Variants in SATB1 observed in about 807,000 individuals in gnomAD.
SATB1 encodes SATB homeobox 1.
Under a neutral mutation model 86.9 loss-of-function variants are expected in SATB1, and 11 were observed. That is an observed-to-expected ratio of 0.13 (90% CI 0.08 to 0.21). The LOEUF (loss-of-function observed/expected upper bound fraction) is 0.21. SATB1 is among the 10% of genes least tolerant of loss of function. The probability of loss-of-function intolerance (pLI) is 1.00; values close to 1 mark genes in which losing one functional copy is unlikely to be tolerated. For missense variants in SATB1, 551 were observed against 937.6 expected (o/e 0.59, Z 5.39); for synonymous variants, 357 against 357.2 (o/e 1.00, Z 0.01).
chr3:18,408,054 C>T lies in SATB1; in HGVS notation c.639+7057G>A, dbSNP rs550763013. On this transcript the variant is annotated intron_variant, in intron 5 of 10. Coordinates refer to ENST00000338745, the MANE Select transcript of SATB1 (RefSeq NM_002971.6). ...TCTCAAATAGTGCTAGCAATTAAAGCTTTAATCTTTTCTTAACTTCCAACC... is the reference window on the plus strand; with the variant it reads ...TCTCAAATAGTGCTAGCAATTAAAGTTTTAATCTTTTCTTAACTTCCAACC... 3.3e-5 allele frequency among the ~76,000 whole-genome samples: 5 copies of T among 152,158 alleles called. No individual in the cohort carries two copies. The East Asian group carries it at 9.7e-4, about 30-fold the overall frequency.
intron 9 of SATB1, among the ~76,000 whole-genome samples, chr3:18,360,838 T>C (rs1376881308): frequency 6.6e-6 from 1 of 152,190 alleles, no homozygotes; most frequent in East Asian, 1.9e-4. Flanking sequence ...TGGGAAAACC[T>C]GGAATTCAAA....
At chr3:18,377,579 G>T (rs1199236081) in intron 9 of SATB1, among the ~76,000 whole-genome samples, 1 of 152,048 alleles carries the variant, frequency 6.6e-6, no homozygotes, top group Non-Finnish European at 1.5e-5. Context: ...ATTCAGGGTT[G>T]GACAAGTTGT....
At chr3:18,388,270 A>C (rs1187627041) in intron 7 of SATB1, among the ~76,000 whole-genome samples, 1 of 152,150 alleles carries the variant, frequency 6.6e-6, no homozygotes, top group Non-Finnish European at 1.5e-5. Context: ...AAGGCCACCT[A>C]ATTAGTTTGA....
At position 18,348,803 on chromosome 3, in the gene SATB1, G is replaced by A. The variant is rs1232230561; in HGVS notation, c.*367C>T. 1 of 198,326 alleles carries A rather than the reference G, an allele frequency of 5.0e-6. No homozygotes were observed. Among genetic ancestry groups the A allele is most frequent in the South Asian group, 1.0e-4 (1 of 9,626 alleles). 12.3% of individuals were successfully genotyped at this position (198,326 alleles called of 1,614,324 possible). ...TGGAGTGCTACAGAAATAATTATAG[G>A]AGAGGAAATCATAATCACAGAAGGT... On this transcript the variant is annotated 3_prime_UTR_variant, in exon 11 of 11. Transcript: ENST00000338745.
chr3:18,398,948 G>A (rs1330628320), intron 5 of SATB1, among the ~76,000 whole-genome samples: 1 of 152,102 alleles, frequency 6.6e-6, no homozygotes, highest in East Asian at 1.9e-4. Context: ...CTTGTAATAA[G>A]GGATCAATAA....
intron 9 of SATB1, among the ~76,000 whole-genome samples, chr3:18,363,181 A>G (rs766359283): frequency 1.7e-4 from 26 of 152,120 alleles, no homozygotes; most frequent in Non-Finnish European, 3.5e-4. Flanking sequence ...GGGCAAGGCA[A>G]TTTGGGACTG....
At chr3:18,358,479 G>A (rs1013816904) in intron 9 of SATB1, among the ~76,000 whole-genome samples, 2 of 151,942 alleles carry the variant, frequency 1.3e-5, no homozygotes, top group Non-Finnish European at 2.9e-5. Flanking sequence ...TGTGTAAAGT[G>A]AAAAGAACCT....
intron 2 of SATB1, among the ~76,000 whole-genome samples, chr3:18,433,889 C>A (rs1190937230): frequency 6.6e-6 from 1 of 151,860 alleles, no homozygotes; most frequent in Non-Finnish European, 1.5e-5. Flanking sequence ...ATAAATAATG[C>A]CACAGTAGAA....
intron 9 of SATB1, among the ~76,000 whole-genome samples, chr3:18,377,109 C>G (rs186757267): frequency 6.6e-6 from 1 of 151,966 alleles, no homozygotes; most frequent in Non-Finnish European, 1.5e-5. Context: ...CTATAAATGT[C>G]GATAGGGTAA....
At chr3:18,395,660 T>C (rs974745802) in intron 6 of SATB1, among the ~76,000 whole-genome samples, 4 of 152,192 alleles carry the variant, frequency 2.6e-5, no homozygotes, top group Non-Finnish European at 5.9e-5. Flanking sequence ...ATCCAAATGT[T>C]TTTTCTTCAG....
Position 18,349,245 on chromosome 3 carries a change from G to T in SATB1, c.2217C>A (p.Thr739=). Residue 739 remains threonine, a synonymous_variant, in exon 11 of 11, where the codon ACC becomes ACA. Transcript: ENST00000338745. The surrounding 1 kb of genome is among the most constrained non-coding windows in gnomAD (Gnocchi z 5.5). Reference sequence around the variant, plus strand: ...CTTCTTCTAGTTTCACTGAAAAAAGGGTGTTAGTATTTTTATCTTGGACAC... The same window carrying T: ...CTTCTTCTAGTTTCACTGAAAAAAGTGTGTTAGTATTTTTATCTTGGACAC... ...EESVQDKNTN[T]LFSVKLEEEL... 6.2e-7 allele frequency: 1 copy of T among 1,614,108 alleles called. No homozygotes were observed. The highest frequency in any genetic ancestry group is 8.5e-7 in the Non-Finnish European group (1 of 1,180,028).
chr3:18,419,976 T>A (rs963179452), intron 2 of SATB1, among the ~76,000 whole-genome samples: 1 of 152,236 alleles, frequency 6.6e-6, no homozygotes, highest in Admixed American at 6.5e-5. Flanking sequence ...ATAGCATTTT[T>A]ATCCATTGCT....
chr3:18,396,944 A>G (rs1298721986), intron 6 of SATB1, among the ~76,000 whole-genome samples: 1 of 152,068 alleles, frequency 6.6e-6, no homozygotes, highest in Non-Finnish European at 1.5e-5. Flanking sequence ...TCCCCTCCCA[A>G]CGCCTCAATT....
chr3:18,430,940 C>G (rs1477390428), intron 2 of SATB1, among the ~76,000 whole-genome samples: 1 of 152,140 alleles, frequency 6.6e-6, no homozygotes, highest in African/African-American at 2.4e-5. Flanking sequence ...AAACGAGCAG[C>G]CATTGCAGCT....
At chr3:18,351,800 A>T in intron 10 of SATB1, 192 bp downstream of exon 10, 1 of 597,676 alleles carries the variant, frequency 1.7e-6, no homozygotes, top group Non-Finnish European at 2.9e-6. Flanking sequence ...AGGAAAGAGG[A>T]ACACGATACA....
intron 9 of SATB1, among the ~76,000 whole-genome samples, chr3:18,355,700 G>A (rs1457664733): frequency 6.6e-6 from 1 of 151,860 alleles, no homozygotes; most frequent in East Asian, 1.9e-4. Context: ...TTTTAAGAGA[G>A]GTCTCTGGGA....
intron 5 of SATB1, among the ~76,000 whole-genome samples, chr3:18,408,270 T>C (rs1213908281): frequency 6.6e-6 from 1 of 151,972 alleles, no homozygotes; most frequent in Non-Finnish European, 1.5e-5. Context: ...CCATGAGGAA[T>C]TCTGCAATCT....
intron 2 of SATB1, among the ~76,000 whole-genome samples, chr3:18,435,628 C>T (rs1367827352): frequency 2.6e-5 from 4 of 151,966 alleles, no homozygotes; most frequent in Admixed American, 2.6e-4. Context: ...TGAATGTTTT[C>T]TACTTTCTTT....
chr3:18,395,041 G>T (rs776842315), intron 6 of SATB1, 125 bp from the exon 7 acceptor site: 47 of 747,642 alleles, frequency 6.3e-5, no homozygotes, highest in Non-Finnish European at 7.0e-5. Context: ...ATAAAACCAA[G>T]AAAATTTCAA....
Sources: gnomAD v4.1 joint callset for allele counts (sites outside exome capture counted in the v4.1 genomes callset) on GRCh38, gnomAD v4.1.1 for gene constraint, Gnocchi (gnomAD v3.1) non-coding constraint, MANE v1.5 for transcripts, NCBI Gene and HGNC (gene_info 2026-07-23, HGNC 2026-07-21) for gene names.